The following TTLL11 variants were observed in gnomAD, a reference collection of about 807,000 sequenced individuals.
TTLL11 encodes tubulin polyglutamylase TTLL11.
A neutral mutation model predicts 51.7 loss-of-function variants in TTLL11; 42 were observed. The observed-to-expected ratio is 0.81, with a 90% CI of 0.64 to 1.05. TTLL11 has a LOEUF of 1.05. TTLL11 is among the 50% of genes least tolerant of loss of function. The pLI, the probability that TTLL11 is intolerant of heterozygous loss-of-function variation, is 0.00. For synonymous variants in TTLL11, 381 were observed against 383.5 expected, an observed-to-expected ratio of 0.99 and a Z score of 0.08; for missense variants, 799 against 940.4, an observed-to-expected ratio of 0.85 and a Z score of 1.97.
intron 6 of TTLL11, among the ~76,000 whole-genome samples, chr9:121,937,045 C>T (rs1841258268): frequency 6.6e-6 from 1 of 152,134 alleles, no homozygotes; most frequent in South Asian, 2.1e-4. Flanking sequence ...CATTTCTTTC[C>T]CATTGCATGA....
At chr9:121,826,526 T>C (rs1303729788) in intron 8 of TTLL11, among the ~76,000 whole-genome samples, 2,318 of 54,432 alleles carry the variant, frequency 0.043, 172 homozygotes, top group African/African-American at 0.12. Context: ...TATATATATA[T>C]ATGTGTGTGT....
At chr9:122,086,523 T>A (rs1846131035) in intron 1 of TTLL11, among the ~76,000 whole-genome samples, 1 of 152,194 alleles carries the variant, frequency 6.6e-6, no homozygotes, top group South Asian at 2.1e-4. Flanking sequence ...TATTTCATTT[T>A]ATACTCTACC....
intron 8 of TTLL11, among the ~76,000 whole-genome samples, chr9:121,850,014 G>A: frequency 6.6e-6 from 1 of 152,078 alleles, no homozygotes; most frequent in Admixed American, 6.5e-5. Context: ...TAAATGTTAT[G>A]TAACTGTTAC....
intron 8 of TTLL11, among the ~76,000 whole-genome samples, chr9:121,824,353 T>C (rs1421325607): frequency 1.3e-5 from 2 of 151,618 alleles, no homozygotes; most frequent in East Asian, 1.9e-4. Context: ...TGCATGCCTG[T>C]AATCCTAGCT....
chr9:121,894,294 TG>T (rs1013055125), intron 6 of TTLL11, among the ~76,000 whole-genome samples: 2 of 152,170 alleles, frequency 1.3e-5, no homozygotes, highest in African/African-American at 4.8e-5. Context: ...ACACTGTTGG[TG>T]GGAGTGTAAA....
At chr9:121,973,875 T>A in intron 6 of TTLL11, 134 bp downstream of exon 6, 1 of 541,310 alleles carries the variant, frequency 1.8e-6, no homozygotes, top group East Asian at 3.2e-5. Flanking sequence ...AAAACAAAGA[T>A]ATTTTATTAG....
intron 1 of TTLL11, among the ~76,000 whole-genome samples, chr9:122,058,612 T>C (rs1216608446): frequency 6.6e-6 from 1 of 152,184 alleles, no homozygotes; most frequent in Non-Finnish European, 1.5e-5. Context: ...TGCTCAAATA[T>C]GATGGGAGAG....
rs541985810 is a variant in TTLL11, at chr9:121,996,242, C to T, written c.694-6472G>A. ...CTCTCTCACCTCTATGCCTTTACAC[C>T]GGCTTTCCCTGGACCTCCACCGACC... On this transcript the variant is annotated intron_variant, in intron 3 of 8. Transcript: ENST00000321582. Among the ~76,000 whole-genome samples, 293 of 152,246 alleles carry T rather than the reference C, an allele frequency of 1.9e-3. 2 individuals carry two copies. Among genetic ancestry groups the T allele is most frequent in the Middle Eastern group, 6.8e-3 (2 of 294 alleles).
intron 7 of TTLL11, among the ~76,000 whole-genome samples, chr9:121,861,221 T>C (rs1005100530): frequency 4.6e-5 from 7 of 152,020 alleles, no homozygotes; most frequent in Non-Finnish European, 1.5e-5. Context: ...CCTGAGTAGC[T>C]GGGATTACAG....
chr9:121,924,976 G>T (rs1840670479), intron 6 of TTLL11, among the ~76,000 whole-genome samples: 1 of 152,056 alleles, frequency 6.6e-6, no homozygotes, highest in Non-Finnish European at 1.5e-5. Context: ...TATTGATTTT[G>T]TTTCTTTTCG....
At chr9:121,930,166 C>G (rs1588133201) in intron 6 of TTLL11, among the ~76,000 whole-genome samples, 1 of 152,302 alleles carries the variant, frequency 6.6e-6, no homozygotes, top group African/African-American at 2.4e-5. Context: ...CCAAGTCTGA[C>G]CAGACAATAG....
intron 1 of TTLL11, among the ~76,000 whole-genome samples, chr9:122,073,296 G>A (rs563877229): frequency 1.3e-5 from 2 of 152,262 alleles, no homozygotes; most frequent in African/African-American, 4.8e-5. Flanking sequence ...TGTAATCCCA[G>A]TTACTCGGGA....
Position 121,822,571 on chromosome 9 carries a change from G to T in TTLL11, c.*16C>A, listed in dbSNP as rs1033843446. The T allele has an allele frequency of 7.0e-7, 1 of 1,427,360 alleles. No homozygotes were observed. Among genetic ancestry groups the T allele is most frequent in the South Asian group, 1.5e-5 (1 of 64,716 alleles). The allele number at this position is 1,427,360 out of a possible 1,614,324, so 88.4% of individuals were successfully genotyped here. ...GCTGCTCTCGTCTTCCGTTTTCCAG[G>T]AGGACAGAGTGGCCCTCAGGACAGG... On this transcript the variant is annotated 3_prime_UTR_variant, in exon 9 of 9. Transcript: ENST00000321582. The surrounding 1 kb of genome is among the most constrained non-coding windows in gnomAD (Gnocchi z 5.8).
At chr9:121,824,433 G>T (rs532193144) in intron 8 of TTLL11, among the ~76,000 whole-genome samples, 1 of 139,984 alleles carries the variant, frequency 7.1e-6, no homozygotes, top group South Asian at 2.3e-4. Context: ...CCAAGATCAC[G>T]CCACTGCACT....
At chr9:122,024,297 A>C (rs1204231499) in intron 3 of TTLL11, among the ~76,000 whole-genome samples, 5 of 152,166 alleles carry the variant, frequency 3.3e-5, no homozygotes, top group Admixed American at 6.5e-5. Context: ...TTAAAGACCT[A>C]AATAAAAGGA....
chr9:121,971,266 G>A, intron 6 of TTLL11, among the ~76,000 whole-genome samples: 1 of 101,162 alleles, frequency 9.9e-6, no homozygotes, highest in Non-Finnish European at 2.4e-5. Flanking sequence ...AGGGAGGTGG[G>A]GGGGGGGTCA....
At position 121,853,303 on chromosome 9, in the gene TTLL11, T is replaced by A. The variant is rs1837719286; in HGVS notation, c.1840+7034A>T. Among the ~76,000 whole-genome samples, 3 of 152,104 alleles carry A rather than the reference T, an allele frequency of 2.0e-5. No homozygotes were observed. The highest frequency in any genetic ancestry group is 4.4e-5 in the Non-Finnish European group (3 of 68,006). ...GTTGGCCTCATGTCGGGGGCAGATG[T>A]CCAGGCCCTTTCACAGTACTCAATG... On this transcript the variant is annotated intron_variant, in intron 8 of 8. Transcript: ENST00000321582. The surrounding 1 kb of genome is among the most constrained non-coding windows in gnomAD (Gnocchi z 5.6).
In TTLL11 at chr9:122,063,046, G is replaced by C. The variant is rs569752492; in HGVS notation, c.463-23678C>G. On this transcript the variant is annotated intron_variant, in intron 1 of 8. Coordinates refer to ENST00000321582, the MANE Select transcript of TTLL11 (RefSeq NM_001139442.2). ...TCCTCCCACCTTGACCTCCCAAATT[G>C]CTGGGATTACAAGCTTGGGCCACCG... is the stretch of plus-strand genomic sequence containing the variant. Among the ~76,000 whole-genome samples the C allele has an allele frequency of 1.4e-4, 22 of 152,234 alleles. No homozygotes were observed. The South Asian group carries it at 4.6e-3, about 32-fold the overall frequency.
At chr9:122,052,629 TCTTC>T (rs1845192870) in intron 1 of TTLL11, among the ~76,000 whole-genome samples, 1 of 152,212 alleles carries the variant, frequency 6.6e-6, no homozygotes, top group African/African-American at 2.4e-5. Context: ...TTTTAAAAAC[TCTTC>T]CTTCATCCAT....
Sources: gnomAD v4.1 joint callset for allele counts (sites outside exome capture counted in the v4.1 genomes callset) on GRCh38, gnomAD v4.1.1 for gene constraint, Gnocchi (gnomAD v3.1) non-coding constraint, MANE v1.5 for transcripts, NCBI Gene and HGNC (gene_info 2026-07-23, HGNC 2026-07-21) for gene names.